The following SYT1 variants were observed in gnomAD, a reference collection of about 807,000 sequenced individuals.
SYT1 encodes the protein synaptotagmin-1.
In SYT1, 8 loss-of-function variants were observed where a neutral mutation model predicts 44.8. The observed-to-expected ratio is 0.18, with a 90% confidence interval of 0.10 to 0.32. SYT1 has a LOEUF of 0.32. Among genes scored for constraint, SYT1 ranks in the 10% least tolerant of loss-of-function variants. The pLI is 1.00. For missense variants in SYT1, 286 were observed against 509.3 expected (o/e 0.56, Z 4.22); for synonymous variants, 154 against 188.8 (o/e 0.82, Z 1.51).
chr12:79,042,026 C>T lies in SYT1; in HGVS notation c.-83-5271C>T, dbSNP rs202054254. On this transcript the variant is annotated intron_variant, in intron 2 of 10. Coordinates refer to ENST00000261205, the MANE Select transcript of SYT1 (RefSeq NM_005639.3). ...TTGATGTGCTGCTGGATTCGTTTTG[C>T]CAGTATTTTATTGAGGATTTTTGCA... Among the ~76,000 whole-genome samples the T allele has an allele frequency of 3.8e-3, 566 of 150,876 alleles. 10 individuals carry two copies. The East Asian group carries it at 0.059, about 16-fold the overall frequency.
chr12:79,232,743 T>C (rs1199114913), intron 4 of SYT1, among the ~76,000 whole-genome samples: 2 of 152,188 alleles, frequency 1.3e-5, no homozygotes, highest in African/African-American at 4.8e-5. Flanking sequence ...TGTCTCCAGT[T>C]CCAGCACAAA....
chr12:78,988,701 A>C (rs559918111), intron 2 of SYT1, among the ~76,000 whole-genome samples: 1 of 152,174 alleles, frequency 6.6e-6, no homozygotes, highest in African/African-American at 2.4e-5. Context: ...TTTAGATGGA[A>C]ATCAAATCAT....
chr12:79,398,713 G>T (rs1884962912), intron 9 of SYT1, among the ~76,000 whole-genome samples: 1 of 152,116 alleles, frequency 6.6e-6, no homozygotes, highest in African/African-American at 2.4e-5. Flanking sequence ...TTTGCAAATA[G>T]GATTTATTGA....
At chr12:79,352,840 A>T (rs1026761602) in intron 8 of SYT1, among the ~76,000 whole-genome samples, 1 of 152,200 alleles carries the variant, frequency 6.6e-6, no homozygotes, top group Non-Finnish European at 1.5e-5. Context: ...TATGAGATGC[A>T]TTTGCATTGT....
chr12:79,120,850 T>C (rs1292756131), intron 3 of SYT1, among the ~76,000 whole-genome samples: 2 of 151,930 alleles, frequency 1.3e-5, no homozygotes, highest in Non-Finnish European at 1.5e-5. Flanking sequence ...ACTTTAATGA[T>C]GGCACAGCCA....
At chr12:79,396,546 A>G (rs1452179681) in intron 9 of SYT1, among the ~76,000 whole-genome samples, 1 of 152,122 alleles carries the variant, frequency 6.6e-6, no homozygotes, top group Non-Finnish European at 1.5e-5. Context: ...ACAAAACAGG[A>G]TTAAATGAAG....
At chr12:79,075,793 A>G (rs1876601933) in intron 3 of SYT1, among the ~76,000 whole-genome samples, 1 of 152,174 alleles carries the variant, frequency 6.6e-6, no homozygotes, top group South Asian at 2.1e-4. Flanking sequence ...TTGCCCTCTC[A>G]GGATTTCTAT....
chr12:79,240,684 G>T (rs1328704717), intron 4 of SYT1, among the ~76,000 whole-genome samples: 2 of 152,190 alleles, frequency 1.3e-5, no homozygotes, highest in Non-Finnish European at 2.9e-5. Context: ...TGATTAGGAA[G>T]AAGTAGAGTT....
rs541060037 is a variant in SYT1 at position 79,029,567 on chromosome 12, G to A, written c.-83-17730G>A. Among the ~76,000 whole-genome samples the A allele has an allele frequency of 6.6e-5, 10 of 151,194 alleles. No homozygotes were observed. In the South Asian group the frequency reaches 8.3e-4, roughly 13 times the overall value. ...TTTGGTGATTAATTTAGCATCACTTGTGAAATTAGTGAAATTAAAATATTT... is the reference window on the plus strand; with the variant it reads ...TTTGGTGATTAATTTAGCATCACTTATGAAATTAGTGAAATTAAAATATTT... On this transcript the variant is annotated intron_variant, in intron 2 of 10. Coordinates refer to ENST00000261205, the MANE Select transcript of SYT1 (RefSeq NM_005639.3).
At chr12:79,183,261 G>C (rs1169977051) in intron 3 of SYT1, among the ~76,000 whole-genome samples, 1 of 151,958 alleles carries the variant, frequency 6.6e-6, no homozygotes, top group Admixed American at 6.6e-5. Context: ...TCTGCAGTGA[G>C]TGGTGCTGCA....
chr12:79,447,376 T>C (rs1870796085), intron 10 of SYT1, among the ~76,000 whole-genome samples: 1 of 152,206 alleles, frequency 6.6e-6, no homozygotes, highest in Admixed American at 6.5e-5. Flanking sequence ...CCCTATGAAA[T>C]GTATTATGAA....
At chr12:78,974,187 T>C (rs1868642237) in intron 1 of SYT1, among the ~76,000 whole-genome samples, 1 of 150,496 alleles carries the variant, frequency 6.6e-6, no homozygotes, top group Non-Finnish European at 1.5e-5. Flanking sequence ...CTGTAGACAA[T>C]TGTAACACAA....
chr12:79,376,383 T>G (rs1883996846), intron 9 of SYT1, among the ~76,000 whole-genome samples: 1 of 152,172 alleles, frequency 6.6e-6, no homozygotes, highest in Non-Finnish European at 1.5e-5. Context: ...TTAGACCATA[T>G]AGGGTAACTT....
intron 1 of SYT1, chr12:78,976,506 G>A (rs920576144): frequency 8.5e-5 from 13 of 152,154 alleles, no homozygotes; most frequent in African/African-American, 3.1e-4. Context: ...ACTGGTTGGC[G>A]AAGAGAATGG....
intron 3 of SYT1, among the ~76,000 whole-genome samples, chr12:79,101,797 C>G (rs1283462506): frequency 2.0e-5 from 3 of 152,098 alleles, no homozygotes; most frequent in Non-Finnish European, 4.4e-5. Context: ...GTCCCAGCTA[C>G]TCGAGGGCTG....
At chr12:78,960,468 C>A (rs972000812) in intron 1 of SYT1, 14 of 152,158 alleles carry the variant, frequency 9.2e-5, no homozygotes, top group African/African-American at 3.4e-4. Context: ...CAAACAACAA[C>A]AACAGCAACA....
chr12:78,952,979 A>T (rs1438011555), intron 1 of SYT1, among the ~76,000 whole-genome samples: 3 of 152,118 alleles, frequency 2.0e-5, no homozygotes, highest in Non-Finnish European at 4.4e-5. Flanking sequence ...AGAGGGCAAA[A>T]TTTTTTGTGT....
In SYT1 at chr12:79,416,963, A is replaced by G. The variant is rs1025262609; in HGVS notation, c.929-27110A>G. ...TAGCAAAAATACAACGAAAATCCTA[A>G]TATGTGTGTGTGTGTGTTTTCTCTT... On this transcript the variant is annotated intron_variant, in intron 9 of 10. Coordinates refer to ENST00000261205, the MANE Select transcript of SYT1 (RefSeq NM_005639.3). Among the ~76,000 whole-genome samples, 78 of 152,090 alleles carry G rather than the reference A, an allele frequency of 5.1e-4. 2 individuals carry two copies. Among genetic ancestry groups the G allele is most frequent in the South Asian group, 2.1e-4 (1 of 4,818 alleles).
chr12:78,904,268 A>C (rs1269219781), intron 1 of SYT1, among the ~76,000 whole-genome samples: 1 of 152,158 alleles, frequency 6.6e-6, no homozygotes, highest in East Asian at 1.9e-4. Flanking sequence ...CATATGACTT[A>C]GCCTTATGAT....
Sources: gnomAD v4.1 joint callset for allele counts (sites outside exome capture counted in the v4.1 genomes callset) on GRCh38, gnomAD v4.1.1 for gene constraint, MANE v1.5 for transcripts, NCBI Gene and HGNC (gene_info 2026-07-23, HGNC 2026-07-21) for gene names.